Variants in LINGO3 observed in about 807,000 individuals in gnomAD.
LINGO3 encodes the protein leucine-rich repeat and immunoglobulin-like domain-containing nogo receptor-interacting protein 3.
For missense variants in LINGO3, 750 were observed against 867.7 expected, an observed-to-expected ratio of 0.86 and a Z score of 1.70; for synonymous variants, 427 against 444.2, an observed-to-expected ratio of 0.96 and a Z score of 0.49.
Position 2,290,206 on chromosome 19 carries a change from AG to A in LINGO3, c.1570del (p.Leu524SerfsTer66), listed in dbSNP as rs780789393. ...GGCGGTGGACACCAGGATGGTGGTG[AG>A]GTCGAGCGGCGCGCGCAGGGCCGCC... On this transcript the variant is annotated frameshift_variant, in exon 1 of 1. Transcript: ENST00000585527. LOFTEE classifies it low-confidence loss of function (END_TRUNC). The surrounding 1 kb of genome is among the most constrained non-coding windows in gnomAD (Gnocchi z 6.0). 6.2e-7 allele frequency: 1 copy of A among 1,609,400 alleles called. No individual in the cohort carries two copies. The highest frequency in any genetic ancestry group is 8.5e-7 in the Non-Finnish European group (1 of 1,178,718).
At chr19:2,292,156 C>G, upstream of LINGO3, 1 of 264,366 alleles carries the variant, frequency 3.8e-6, no homozygotes, top group South Asian at 3.2e-5. Context: ...CCACTGCACT[C>G]CAGCCTGGGC....
chr19:2,291,409 G>T (rs1449569069), exon 1 of LINGO3: 3 of 1,613,496 alleles, frequency 1.9e-6, no homozygotes, highest in Non-Finnish European at 1.7e-6. Flanking sequence ...GTCCAGGCGC[G>T]TGAAGACCCC....
chr19:2,289,925 G>A, exon 1 of LINGO3: 1 of 1,296,800 alleles, frequency 7.7e-7, no homozygotes. Context: ...TTCCCCTCCG[G>A]GAAATGCATA....
At chr19:2,295,492 C>T (rs1456664915), upstream of LINGO3, among the ~76,000 whole-genome samples, 5 of 152,056 alleles carry the variant, frequency 3.3e-5, no homozygotes, top group African/African-American at 7.2e-5. Flanking sequence ...CCCAGCACTT[C>T]GGGAGGCTGA....
the LINGO3 span, among the ~76,000 whole-genome samples, chr19:2,304,589 TGAAG>T: frequency 1.3e-5 from 2 of 151,622 alleles, no homozygotes; most frequent in East Asian, 3.9e-4. Context: ...GCTGAGGCTA[TGAAG>T]GGATAGGGTG....
chr19:2,298,223 AATTTATTT>A, the LINGO3 span, among the ~76,000 whole-genome samples: 91 of 151,588 alleles, frequency 6.0e-4, 1 homozygote, highest in African/African-American at 1.9e-3. Context: ...TTTAAGTTGG[AATTTATTT>A]ATTTATTTAT....
the LINGO3 span, among the ~76,000 whole-genome samples, chr19:2,306,115 A>C: frequency 1.3e-5 from 2 of 152,208 alleles, no homozygotes; most frequent in East Asian, 3.9e-4. Context: ...TGGAGCACCC[A>C]CTGTCTACAC....
At chr19:2,302,401 C>T in the LINGO3 span, among the ~76,000 whole-genome samples, 1 of 152,182 alleles carries the variant, frequency 6.6e-6, no homozygotes, top group Non-Finnish European at 1.5e-5. Context: ...GCGGGTGACA[C>T]CGTGAAATCA....
chr19:2,303,133 A>C, the LINGO3 span, among the ~76,000 whole-genome samples: 1 of 151,936 alleles, frequency 6.6e-6, no homozygotes, highest in Non-Finnish European at 1.5e-5. Flanking sequence ...AGTCACTCCC[A>C]GCCCCTCCCC....
the LINGO3 span, among the ~76,000 whole-genome samples, chr19:2,299,440 T>C: frequency 6.6e-6 from 1 of 152,098 alleles, no homozygotes; most frequent in African/African-American, 2.4e-5. Flanking sequence ...TATTTTTTTT[T>C]TGAGATGGAG....
chr19:2,288,137 C>T (rs950766289), downstream of LINGO3, among the ~76,000 whole-genome samples: 3 of 152,326 alleles, frequency 2.0e-5, no homozygotes, highest in South Asian at 4.1e-4. This position sits in a 1 kb window ranked among gnomAD's most constrained non-coding sequence, Gnocchi z 6.5. Flanking sequence ...AGCAACCGGG[C>T]GGTGACCTCA....
chr19:2,291,720 C>T (rs1039758475), exon 1 of LINGO3: 19 of 1,342,222 alleles, frequency 1.4e-5, no homozygotes, highest in Middle Eastern at 5.0e-4. Flanking sequence ...CAGCCGGGGG[C>T]GGCGCCGCGG....
At chr19:2,302,462 T>C in the LINGO3 span, among the ~76,000 whole-genome samples, 1 of 152,206 alleles carries the variant, frequency 6.6e-6, no homozygotes, top group Non-Finnish European at 1.5e-5. Context: ...AGAACAGCTG[T>C]GTCCTCGGGT....
At chr19:2,306,261 G>C in the LINGO3 span, among the ~76,000 whole-genome samples, 1 of 152,204 alleles carries the variant, frequency 6.6e-6, no homozygotes, top group Non-Finnish European at 1.5e-5. Context: ...TTTGAACCTG[G>C]ATCTGACGCC....
rs961375650 is a variant in LINGO3 at position 2,290,774 on chromosome 19, C to T, written c.1003G>A (p.Glu335Lys). 1 of 1,612,690 alleles carries T rather than the reference C, an allele frequency of 6.2e-7. No homozygotes were observed. The highest frequency in any genetic ancestry group is 8.5e-7 in the Non-Finnish European group (1 of 1,179,634). ...GTGTTCACCGAGTGGAAGGTGCTCT[C>T]CTCCAACGTGGAGAGCAGGTTGTTG... The change falls in exon 1 of 1, where the codon GAG (glutamate) becomes AAG (lysine). Residue 335 changes from glutamate (E) to lysine (K), a missense_variant. Transcript: ENST00000585527. This position sits in a 1 kb window ranked among gnomAD's most constrained non-coding sequence, Gnocchi z 6.0.
Position 2,291,840 on chromosome 19 carries a change from G to A in LINGO3, c.-64C>T. ...CTGCGCACCTGCGGGCGGGCGGGGA[G>A]CGGGCAGCGTTAGCACCGTTAGCAC... is the stretch of plus-strand genomic sequence containing the variant. On this transcript the variant is annotated 5_prime_UTR_variant, in exon 1 of 1. Transcript: ENST00000585527. The A allele has an allele frequency of 7.2e-7, 1 of 1,393,400 alleles. No individual in the cohort carries two copies. Among genetic ancestry groups the A allele is most frequent in the East Asian group, 3.0e-5 (1 of 33,298 alleles). 86.3% of individuals were successfully genotyped at this position (1,393,400 alleles called of 1,614,324 possible). A position where few individuals can be genotyped will look rare whatever the true frequency, so the allele number is the denominator to read the frequency against.
the LINGO3 span, among the ~76,000 whole-genome samples, chr19:2,308,053 C>T: frequency 1.3e-5 from 2 of 150,642 alleles, no homozygotes; most frequent in African/African-American, 4.9e-5. Flanking sequence ...CGCCCCACGC[C>T]GGGCCCCGGC....
exon 1 of LINGO3, chr19:2,291,238 G>A (rs749434099): frequency 1.9e-6 from 3 of 1,611,756 alleles, no homozygotes; most frequent in Non-Finnish European, 1.7e-6. Flanking sequence ...GCGCTCCAGG[G>A]TCAGCTCCTC....
upstream of LINGO3, chr19:2,292,044 C>T: frequency 2.2e-6 from 1 of 450,470 alleles, no homozygotes. Context: ...AAAGATGAGC[C>T]GCATGTGGTG....
Sources: gnomAD v4.1 joint callset for allele counts (sites outside exome capture counted in the v4.1 genomes callset) on GRCh38, gnomAD v4.1.1 for gene constraint, Gnocchi (gnomAD v3.1) non-coding constraint, MANE v1.5 for transcripts, NCBI Gene and HGNC (gene_info 2026-07-23, HGNC 2026-07-21) for gene names.